Variants in LEF1 observed in about 807,000 individuals in gnomAD.
The protein encoded by LEF1 is lymphoid enhancer-binding factor 1.
In LEF1, 14 loss-of-function variants were observed where a neutral mutation model predicts 51.2. That is an observed-to-expected ratio of 0.27 (90% CI 0.18 to 0.43). LEF1 has a LOEUF of 0.43. LEF1 is among the 20% of genes least tolerant of loss of function. The pLI is 1.00. For synonymous variants in LEF1, 185 were observed against 183.2 expected (o/e 1.01, Z -0.08); for missense variants, 386 against 512.0 (o/e 0.75, Z 2.37).
At chr4:108,164,341 G>A (rs1488904144) in intron 2 of LEF1, among the ~76,000 whole-genome samples, 2 of 152,094 alleles carry the variant, frequency 1.3e-5, no homozygotes. Context: ...TCTTGTAGCT[G>A]AGGAAGAAGC....
intron 5 of LEF1, 143 bp from the exon 6 acceptor site, chr4:108,081,812 G>GT: frequency 1.6e-6 from 1 of 638,246 alleles, no homozygotes; most frequent in East Asian, 2.8e-5. Flanking sequence ...TTTCAGAAAC[G>GT]TAACCGTTCC....
intron 7 of LEF1, 30 bp from the exon 8 acceptor site, chr4:108,078,412 G>T: frequency 6.2e-7 from 1 of 1,613,970 alleles, no homozygotes; most frequent in Non-Finnish European, 8.5e-7. Flanking sequence ...GTGGTTAGGG[G>T]AAGGGGTTGA....
chr4:108,118,099 A>G (rs1265517046), intron 3 of LEF1, among the ~76,000 whole-genome samples: 1 of 152,210 alleles, frequency 6.6e-6, no homozygotes, highest in East Asian at 1.9e-4. Context: ...TGAGTTGCAT[A>G]AGATCCCACA....
chr4:108,062,003 G>T (rs1737723391), intron 11 of LEF1, among the ~76,000 whole-genome samples: 1 of 152,168 alleles, frequency 6.6e-6, no homozygotes, highest in Non-Finnish European at 1.5e-5. Flanking sequence ...AATTGACTTA[G>T]GTCTCAGTAG....
At chr4:108,155,599 C>A (rs761044870) in intron 3 of LEF1, among the ~76,000 whole-genome samples, 3 of 152,160 alleles carry the variant, frequency 2.0e-5, no homozygotes, top group Non-Finnish European at 4.4e-5. Context: ...CAGGTGGGGC[C>A]CAAGGCACTG....
chr4:108,120,448 C>T (rs1742102809), intron 3 of LEF1, among the ~76,000 whole-genome samples: 2 of 152,180 alleles, frequency 1.3e-5, no homozygotes, highest in African/African-American at 4.8e-5. Flanking sequence ...TCTAGCCTCA[C>T]ACAGATATAT....
At chr4:108,119,414 TTC>T (rs1282968662) in intron 3 of LEF1, among the ~76,000 whole-genome samples, 1 of 152,032 alleles carries the variant, frequency 6.6e-6, no homozygotes, top group African/African-American at 2.4e-5. Flanking sequence ...TTCAAGAAAT[TTC>T]TGAGTCCATA....
chr4:108,097,363 T>C (rs1163623365), intron 3 of LEF1, among the ~76,000 whole-genome samples: 2 of 152,210 alleles, frequency 1.3e-5, no homozygotes, highest in Non-Finnish European at 2.9e-5. Context: ...ACATTCTCAC[T>C]CATTTGTGAG....
intron 9 of LEF1, among the ~76,000 whole-genome samples, chr4:108,070,045 A>G (rs1162829443): frequency 3.3e-5 from 5 of 151,618 alleles, no homozygotes; most frequent in African/African-American, 1.2e-4. Context: ...AATAGCCCTA[A>G]ATACAGAAAA....
At chr4:108,074,109 G>C (rs6856367) in intron 8 of LEF1, among the ~76,000 whole-genome samples, 52 of 152,282 alleles carry the variant, frequency 3.4e-4, no homozygotes, top group African/African-American at 1.3e-3. Context: ...ATGAACAGTA[G>C]ATAAAATGAT....
In LEF1 at chr4:108,118,340, A is replaced by G. The variant is rs560392317; in HGVS notation, c.415-29083T>C. 2.1e-3 allele frequency among the ~76,000 whole-genome samples: 327 copies of G among 152,364 alleles called. 3 individuals carry two copies. Among genetic ancestry groups the G allele is most frequent in the Middle Eastern group, 0.01 (3 of 294 alleles). On this transcript the variant is annotated intron_variant, in intron 3 of 11. Coordinates refer to ENST00000265165, the MANE Select transcript of LEF1 (RefSeq NM_016269.5). ...TTCTGCATTTGCTAAACAGTGACAT[A>G]AAAATACTCAACAGATCGATTTGTC... is the stretch of plus-strand genomic sequence containing the variant.
At chr4:108,060,497 C>T (rs1287672467) in intron 11 of LEF1, among the ~76,000 whole-genome samples, 1 of 152,036 alleles carries the variant, frequency 6.6e-6, no homozygotes, top group Non-Finnish European at 1.5e-5. Flanking sequence ...CAAGAGCTAA[C>T]CTGGGAGACT....
At chr4:108,077,946 T>C (rs1362346651) in intron 8 of LEF1, among the ~76,000 whole-genome samples, 1 of 151,944 alleles carries the variant, frequency 6.6e-6, no homozygotes, top group Admixed American at 6.6e-5. Flanking sequence ...GAGGTTGAGG[T>C]GGGAGGATCG....
At chr4:108,095,238 G>A (rs568042562) in intron 3 of LEF1, among the ~76,000 whole-genome samples, 1 of 152,320 alleles carries the variant, frequency 6.6e-6, no homozygotes, top group African/African-American at 2.4e-5. Flanking sequence ...GTTTTCTTAA[G>A]AGGGGAAGGA....
At chr4:108,157,729 G>A (rs1744821191) in intron 3 of LEF1, among the ~76,000 whole-genome samples, 1 of 152,194 alleles carries the variant, frequency 6.6e-6, no homozygotes, top group Non-Finnish European at 1.5e-5. Context: ...ACTCTTGCTT[G>A]CTCTGCACTG....
chr4:108,104,328 G>A (rs7666005), intron 3 of LEF1, among the ~76,000 whole-genome samples: 69,237 of 151,212 alleles, frequency 0.46, 17,803 homozygotes, highest in Middle Eastern at 0.68. Context: ...AGTGGTGATA[G>A]TTGTACAACA....
rs978384163 is a variant in LEF1, at chr4:108,089,220, A to G, written c.452T>C (p.Val151Ala). 2.5e-6 allele frequency: 4 copies of G among 1,613,962 alleles called. No individual in the cohort carries two copies. In the African/African-American group the frequency reaches 4.0e-5, roughly 16 times the overall value. ...KVPVVQPSHA[V>A]HPLTPLITYS... is the part of the protein sequence containing the mutation. ...AGTGATGAGGGGGGTGAGAGGATGGACCGCATGGGATGGCTGCACCACGGG... is the reference window on the plus strand; with the variant it reads ...AGTGATGAGGGGGGTGAGAGGATGGGCCGCATGGGATGGCTGCACCACGGG... The change falls in exon 4 of 12, where the codon GTC (valine) becomes GCC (alanine). Residue 151 changes from valine to alanine, a missense_variant. This residue lies in a region of LEF1 where 335 missense variants were observed against 390.7 expected (regional missense o/e 0.86). Transcript: ENST00000265165.
At chr4:108,150,703 T>C (rs1744315707) in intron 3 of LEF1, among the ~76,000 whole-genome samples, 1 of 152,186 alleles carries the variant, frequency 6.6e-6, no homozygotes, top group South Asian at 2.1e-4. Context: ...CTACCACTTA[T>C]TAAACTCTGG....
At chr4:108,142,184 G>A (rs1444275039) in intron 3 of LEF1, among the ~76,000 whole-genome samples, 1 of 152,210 alleles carries the variant, frequency 6.6e-6, no homozygotes, top group African/African-American at 2.4e-5. Flanking sequence ...GGGTGCAGCT[G>A]CTAAAGACCT....
Sources: gnomAD v4.1 joint callset for allele counts (sites outside exome capture counted in the v4.1 genomes callset) on GRCh38, gnomAD v4.1.1 for gene constraint, gnomAD v4.1.1 regional missense constraint, MANE v1.5 for transcripts, NCBI Gene and HGNC (gene_info 2026-07-23, HGNC 2026-07-21) for gene names.